TENM2: variants seen among roughly 807,000 people sequenced by gnomAD.
The protein encoded by TENM2 is teneurin-2.
A neutral mutation model predicts 245.2 loss-of-function variants in TENM2; 52 were observed. The ratio of observed to expected loss-of-function variants is 0.21; its 90% CI spans 0.17 to 0.27. The LOEUF is 0.27. Ranked by LOEUF, TENM2 falls within the 10% of genes least tolerant of loss-of-function variation. The pLI is 1.00. For synonymous variants in TENM2, 1,363 were observed against 1,438.9 expected, an observed-to-expected ratio of 0.95 and a Z score of 1.19; for missense variants, 3,046 against 3,666.8, an observed-to-expected ratio of 0.83 and a Z score of 4.37.
At chr5:168,199,895 C>G (rs767906213) in exon 17 of TENM2, 2 of 1,613,934 alleles carry the variant, frequency 1.2e-6, no homozygotes, top group Non-Finnish European at 1.7e-6. Flanking sequence ...CTCCCTGGTT[C>G]CAATGTGAAA....
chr5:167,933,798 T>C (rs534982701), intron 3 of TENM2, among the ~76,000 whole-genome samples: 2 of 152,144 alleles, frequency 1.3e-5, no homozygotes, highest in Non-Finnish European at 2.9e-5. Context: ...AGCCTCCTGA[T>C]GTGTATAATG....
intron 2 of TENM2, among the ~76,000 whole-genome samples, chr5:167,584,441 A>G (rs6886030): frequency 0.039 from 5,945 of 152,268 alleles, 279 homozygotes; most frequent in African/African-American, 0.1. Flanking sequence ...CTGCAAATGA[A>G]GACTTGGCCC....
intron 5 of TENM2, among the ~76,000 whole-genome samples, chr5:168,030,313 C>T (rs1787026428): frequency 6.6e-6 from 1 of 151,890 alleles, no homozygotes; most frequent in Admixed American, 6.6e-5. Flanking sequence ...GGCTCTCTCA[C>T]CTCCTCCACC....
At chr5:167,010,454 C>A in the TENM2 span, among the ~76,000 whole-genome samples, 1 of 152,100 alleles carries the variant, frequency 6.6e-6, no homozygotes, top group Non-Finnish European at 1.5e-5. Flanking sequence ...AGATACTGTC[C>A]ATTTGGCATT....
At chr5:167,356,217 A>AAAAAAAAAAAAAAAAATT (rs1759321624) in intron 1 of TENM2, among the ~76,000 whole-genome samples, 1 of 129,104 alleles carries the variant, frequency 7.7e-6, no homozygotes, top group African/African-American at 3.2e-5. Context: ...AAAAAAAAAA[A>AAAAAAAAAAAAAAAAATT]AAAATTAAAA....
intron 3 of TENM2, among the ~76,000 whole-genome samples, chr5:167,888,298 C>A (rs1183367518): frequency 6.6e-6 from 1 of 152,196 alleles, no homozygotes; most frequent in Non-Finnish European, 1.5e-5. Context: ...GATTTAAGTT[C>A]TTTGAAGGCA....
At chr5:167,831,058 C>T (rs1768430239) in intron 2 of TENM2, among the ~76,000 whole-genome samples, 1 of 152,142 alleles carries the variant, frequency 6.6e-6, no homozygotes, top group African/African-American at 2.4e-5. Context: ...CTTCTGTTCT[C>T]TCTATGGGAA....
chr5:168,135,152 T>C (rs1241964613), intron 12 of TENM2, among the ~76,000 whole-genome samples: 1 of 152,194 alleles, frequency 6.6e-6, no homozygotes, highest in Non-Finnish European at 1.5e-5. Context: ...CCATTCAGCC[T>C]GATAAACTTC....
At chr5:167,097,771 T>C in the TENM2 span, among the ~76,000 whole-genome samples, 1 of 152,176 alleles carries the variant, frequency 6.6e-6, no homozygotes, top group African/African-American at 2.4e-5. Flanking sequence ...TTTCTAAAAG[T>C]CCCTTTTTCG....
intron 5 of TENM2, among the ~76,000 whole-genome samples, chr5:168,002,322 A>G (rs998681800): frequency 6.6e-6 from 1 of 152,224 alleles, no homozygotes; most frequent in Non-Finnish European, 1.5e-5. Flanking sequence ...AAAGAAGGGC[A>G]TATTACCTTG....
At chr5:167,848,375 A>G (rs1023604149) in intron 2 of TENM2, among the ~76,000 whole-genome samples, 2 of 152,226 alleles carry the variant, frequency 1.3e-5, no homozygotes, top group Non-Finnish European at 2.9e-5. Flanking sequence ...GAGAGTGCAT[A>G]TGTAAATCAA....
At chr5:167,758,521 G>A (rs1188516459) in intron 2 of TENM2, among the ~76,000 whole-genome samples, 1 of 152,148 alleles carries the variant, frequency 6.6e-6, no homozygotes, top group Non-Finnish European at 1.5e-5. Context: ...TTGTGCTATA[G>A]CAGGCTGTTT....
intron 2 of TENM2, among the ~76,000 whole-genome samples, chr5:167,576,918 A>G (rs956180105): frequency 2.0e-5 from 3 of 152,202 alleles, no homozygotes; most frequent in Non-Finnish European, 4.4e-5. Flanking sequence ...AATTAGCCCA[A>G]TAGGATTTTC....
At chr5:168,064,864 AAAAG>A (rs991764464) in intron 7 of TENM2, among the ~76,000 whole-genome samples, 2 of 152,336 alleles carry the variant, frequency 1.3e-5, no homozygotes, top group South Asian at 2.1e-4. Context: ...CTGTTTTCCA[AAAAG>A]AAAGAAAGAA....
intron 9 of TENM2, among the ~76,000 whole-genome samples, chr5:168,111,993 G>GA (rs1438256388): frequency 6.6e-6 from 1 of 151,984 alleles, no homozygotes. Context: ...TAAAACATGA[G>GA]AAAAAAATAT....
At chr5:167,473,848 C>G (rs1365635858) in intron 2 of TENM2, among the ~76,000 whole-genome samples, 3 of 149,472 alleles carry the variant, frequency 2.0e-5, no homozygotes, top group African/African-American at 7.5e-5. Context: ...ATTTGTGGTT[C>G]AGGACTGGAG....
At chr5:168,235,119 A>C (rs568187416) in intron 25 of TENM2, among the ~76,000 whole-genome samples, 1 of 152,288 alleles carries the variant, frequency 6.6e-6, no homozygotes, top group African/African-American at 2.4e-5. Context: ...GTTAACACAC[A>C]CAAGTCATTA....
At chr5:167,041,361 T>TAG in the TENM2 span, among the ~76,000 whole-genome samples, 1 of 152,190 alleles carries the variant, frequency 6.6e-6, no homozygotes, top group East Asian at 1.9e-4. Context: ...TATCCACAGC[T>TAG]ACTACCAATG....
the TENM2 span, among the ~76,000 whole-genome samples, chr5:167,036,544 G>A: frequency 6.6e-6 from 1 of 151,894 alleles, no homozygotes; most frequent in Non-Finnish European, 1.5e-5. Flanking sequence ...GTTATATCGT[G>A]GATTCTTAAA....
Sources: gnomAD v4.1 joint callset for allele counts (sites outside exome capture counted in the v4.1 genomes callset) on GRCh38, gnomAD v4.1.1 for gene constraint, MANE v1.5 for transcripts, NCBI Gene and HGNC (gene_info 2026-07-23, HGNC 2026-07-21) for gene names.